TSC22D1: variants seen among roughly 807,000 people sequenced by gnomAD.
The protein encoded by TSC22D1 is TSC22 domain family protein 1.
TSC22D1 carries 9 observed loss-of-function variants against 74.2 expected under a neutral mutation model. That is an observed-to-expected ratio of 0.12 (90% CI 0.07 to 0.21). The LOEUF (loss-of-function observed/expected upper bound fraction) is 0.21. TSC22D1 is among the 10% of genes least tolerant of loss of function. The pLI, the probability that TSC22D1 is intolerant of heterozygous loss-of-function variation, is 1.00. For missense variants in TSC22D1, 1,427 were observed against 1,304.7 expected (o/e 1.09, Z -1.44); for synonymous variants, 586 against 492.5 (o/e 1.19, Z -2.51).
chr13:44,520,872 A>C (rs1239021672), intron 1 of TSC22D1, among the ~76,000 whole-genome samples: 1 of 152,232 alleles, frequency 6.6e-6, no homozygotes, highest in Non-Finnish European at 1.5e-5. Context: ...CCCTTTATGT[A>C]GTAACAGAGA....
chr13:44,471,319 A>G (rs926078680), intron 1 of TSC22D1, among the ~76,000 whole-genome samples: 5 of 152,214 alleles, frequency 3.3e-5, no homozygotes, highest in African/African-American at 1.2e-4. Flanking sequence ...TTTGAAATGA[A>G]ATTATTTCTC....
intron 1 of TSC22D1, chr13:44,539,491 G>C (rs1402738417): frequency 2.0e-6 from 2 of 985,188 alleles, no homozygotes; most frequent in Non-Finnish European, 2.4e-6. Flanking sequence ...GGCCAAAATG[G>C]GTAGATATTC....
chr13:44,456,920 A>G (rs1380890006), intron 1 of TSC22D1, among the ~76,000 whole-genome samples: 1 of 152,252 alleles, frequency 6.6e-6, no homozygotes, highest in Non-Finnish European at 1.5e-5. Flanking sequence ...GAAGTTTCAG[A>G]AATGTGCAAT....
chr13:44,444,278 C>CAAAAAAAAAAAAAAAAAAAAAAAAAAAAA (rs71070905), intron 1 of TSC22D1, among the ~76,000 whole-genome samples: 1 of 17,582 alleles, frequency 5.7e-5, no homozygotes, highest in Non-Finnish European at 9.5e-5. Flanking sequence ...GACTCTGTCT[C>CAAAAAAAAAAAAAAAAAAAAAAAAAAAAA]AAAAAAAAAA....
At chr13:44,523,663 G>C (rs898687388) in intron 1 of TSC22D1, among the ~76,000 whole-genome samples, 3 of 152,152 alleles carry the variant, frequency 2.0e-5, no homozygotes, top group Admixed American at 6.6e-5. Flanking sequence ...TTGCAACAGG[G>C]AGGACCCTGA....
chr13:44,469,643 A>G (rs1419531348), intron 1 of TSC22D1, among the ~76,000 whole-genome samples: 1 of 152,192 alleles, frequency 6.6e-6, no homozygotes, highest in Non-Finnish European at 1.5e-5. Context: ...TCACTGAGCC[A>G]GTTTGTCAGA....
At chr13:44,436,610 T>TAC in intron 1 of TSC22D1, 1 of 1,608,728 alleles carries the variant, frequency 6.2e-7, no homozygotes, top group East Asian at 2.2e-5. Context: ...GCCACTGGTC[T>TAC]ACACCATTGG....
At chr13:44,474,231 C>G in intron 1 of TSC22D1, 1 of 985,336 alleles carries the variant, frequency 1.0e-6, no homozygotes, top group Non-Finnish European at 1.2e-6. Context: ...AGGATTATCA[C>G]TAGACTATAG....
chr13:44,440,889 G>C (rs868484493), intron 1 of TSC22D1, among the ~76,000 whole-genome samples: 6 of 152,138 alleles, frequency 3.9e-5, no homozygotes, highest in African/African-American at 1.4e-4. Context: ...TACAAACACA[G>C]GGACTAGGAA....
chr13:44,439,660 A>C (rs1875028561), intron 1 of TSC22D1, among the ~76,000 whole-genome samples: 1 of 152,246 alleles, frequency 6.6e-6, no homozygotes. Context: ...AAAGATCAGG[A>C]GGTATCACCT....
intron 1 of TSC22D1, among the ~76,000 whole-genome samples, chr13:44,523,715 T>G (rs1248683771): frequency 2.0e-5 from 3 of 151,984 alleles, no homozygotes; most frequent in Non-Finnish European, 2.9e-5. Context: ...ACAACCAGAA[T>G]GGAATAGATT....
chr13:44,502,576 T>C (rs918484553), intron 1 of TSC22D1, among the ~76,000 whole-genome samples: 2 of 152,182 alleles, frequency 1.3e-5, no homozygotes, highest in African/African-American at 4.8e-5. Flanking sequence ...CTTAGCTCAT[T>C]AGGGCTCAAT....
Position 44,574,404 on chromosome 13 carries a change from C to T in TSC22D1, c.1671G>A (p.Gln557=), listed in dbSNP as rs1415322160. Residue 557 remains glutamine, a synonymous_variant, in exon 1 of 3, where the codon CAG becomes CAA. Transcript: ENST00000458659. ...VQLQSQELSY[Q]QKQGLQPVPL... Reference sequence around the variant, plus strand: ...GTACTGGCTGAAGACCTTGCTTTTGCTGATAGCTCAGTTCTTGAGACTGTA... The same window carrying T: ...GTACTGGCTGAAGACCTTGCTTTTGTTGATAGCTCAGTTCTTGAGACTGTA... 6.2e-7 allele frequency: 1 copy of T among 1,614,222 alleles called. No individual in the cohort carries two copies. Among genetic ancestry groups the T allele is most frequent in the Admixed American group, 1.7e-5 (1 of 60,032 alleles).
chr13:44,503,086 G>T (rs893194481), intron 1 of TSC22D1, among the ~76,000 whole-genome samples: 1 of 152,150 alleles, frequency 6.6e-6, no homozygotes, highest in Non-Finnish European at 1.5e-5. Flanking sequence ...TAGCTTACAT[G>T]ATATAAGCCT....
At chr13:44,437,562 G>A (rs796877062) in intron 1 of TSC22D1, among the ~76,000 whole-genome samples, 14 of 152,268 alleles carry the variant, frequency 9.2e-5, no homozygotes, top group African/African-American at 9.6e-5. Context: ...AGCCCGTAGA[G>A]CCACAAACCT....
chr13:44,449,454 C>T (rs1875950524), intron 1 of TSC22D1, among the ~76,000 whole-genome samples: 1 of 152,204 alleles, frequency 6.6e-6, no homozygotes, highest in South Asian at 2.1e-4. Context: ...AAATGATGCT[C>T]ACTTGTAAAG....
chr13:44,456,230 C>T (rs547272961), intron 1 of TSC22D1, among the ~76,000 whole-genome samples: 72 of 152,158 alleles, frequency 4.7e-4, no homozygotes, highest in Admixed American at 7.9e-4. Flanking sequence ...ACAAAGCTTC[C>T]ACGGCGGAGA....
chr13:44,447,204 G>C (rs920616954), intron 1 of TSC22D1, among the ~76,000 whole-genome samples: 2 of 150,200 alleles, frequency 1.3e-5, no homozygotes, highest in African/African-American at 2.5e-5. Flanking sequence ...GGCTGATCTC[G>C]AACTCCTGGG....
intron 1 of TSC22D1, among the ~76,000 whole-genome samples, chr13:44,520,904 G>C (rs1208543137): frequency 6.6e-6 from 1 of 152,112 alleles, no homozygotes; most frequent in East Asian, 1.9e-4. Context: ...TTTATTGCAG[G>C]GTCTGGCACA....
Sources: gnomAD v4.1 joint callset for allele counts (sites outside exome capture counted in the v4.1 genomes callset) on GRCh38, gnomAD v4.1.1 for gene constraint, MANE v1.5 for transcripts, NCBI Gene and HGNC (gene_info 2026-07-23, HGNC 2026-07-21) for gene names.